Variants in ZNF160 observed in about 807,000 individuals in gnomAD.
The protein encoded by ZNF160 is KRAB zinc finger protein KR18.
In ZNF160, 9 loss-of-function variants were observed where a neutral mutation model predicts 13.1. The ratio of observed to expected loss-of-function variants is 0.69; its 90% CI spans 0.41 to 1.20. ZNF160 has a LOEUF of 1.20. Among genes scored for constraint, ZNF160 ranks in the 50% most tolerant of loss-of-function variants. The pLI is 0.01. For synonymous variants in ZNF160, 293 were observed against 333.2 expected (o/e 0.88, Z 1.31); for missense variants, 838 against 988.0 (o/e 0.85, Z 2.04).
chr19:53,085,336 G>T (rs954033966), intron 3 of ZNF160: 1 of 420,134 alleles, frequency 2.4e-6, no homozygotes, highest in Non-Finnish European at 3.2e-6. Flanking sequence ...TACAGGACTT[G>T]CACTGACCCT....
chr19:53,102,998 T>A (rs2085503537), intron 1 of ZNF160, among the ~76,000 whole-genome samples: 1 of 152,074 alleles, frequency 6.6e-6, no homozygotes, highest in South Asian at 2.1e-4. Context: ...TCCCCGGGAC[T>A]GGGTCGGCGG....
At chr19:53,092,461 C>A (rs2085071967) in intron 1 of ZNF160, among the ~76,000 whole-genome samples, 1 of 152,140 alleles carries the variant, frequency 6.6e-6, no homozygotes, top group Non-Finnish European at 1.5e-5. Context: ...CAGGCACACG[C>A]CACTAGGCCC....
At chr19:53,075,762 G>A in intron 3 of ZNF160, 3 of 518,996 alleles carry the variant, frequency 5.8e-6, no homozygotes, top group South Asian at 4.2e-5. Context: ...GTGTTTCCCT[G>A]TGTTATGTGA....
intron 1 of ZNF160, among the ~76,000 whole-genome samples, chr19:53,092,198 TA>T (rs2085060237): frequency 6.6e-6 from 1 of 152,214 alleles, no homozygotes; most frequent in Non-Finnish European, 1.5e-5. Flanking sequence ...TCTAAGTACT[TA>T]TTTTAATCTG....
intron 3 of ZNF160, among the ~76,000 whole-genome samples, chr19:53,077,913 A>G (rs2084462955): frequency 6.6e-6 from 1 of 152,072 alleles, no homozygotes; most frequent in South Asian, 2.1e-4. Flanking sequence ...AAGAAGAAAC[A>G]GAAATTCTAG....
At chr19:53,092,445 G>A (rs561128524) in intron 1 of ZNF160, among the ~76,000 whole-genome samples, 2 of 152,182 alleles carry the variant, frequency 1.3e-5, no homozygotes, top group South Asian at 2.1e-4. Context: ...CAAGTAACCG[G>A]GATTACAGGC....
intron 3 of ZNF160, among the ~76,000 whole-genome samples, chr19:53,079,107 T>G (rs1384677240): frequency 6.6e-6 from 1 of 152,102 alleles, no homozygotes; most frequent in African/African-American, 2.4e-5. Context: ...CATGACCAAG[T>G]GGACTACACA....
chr19:53,093,813 A>G (rs900623262), intron 1 of ZNF160, among the ~76,000 whole-genome samples: 3 of 152,164 alleles, frequency 2.0e-5, no homozygotes, highest in Admixed American at 6.5e-5. Context: ...TTTGAAGGGC[A>G]CTCAGCCTTC....
Position 53,069,083 on chromosome 19 carries a change from T to C in ZNF160, c.1451A>G (p.Asn484Ser), listed in dbSNP as rs766165611. 2 of 1,614,052 alleles carry C rather than the reference T, an allele frequency of 1.2e-6. No individual in the cohort carries two copies. Among genetic ancestry groups the C allele is most frequent in the South Asian group, 2.2e-5 (2 of 91,090 alleles). Reference protein sequence around the residue: ...IHTGTKPFKCNECSKVFTQNS... With the variant: ...IHTGTKPFKCSECSKVFTQNS... ...TTGAGTGAAAACCTTGCTGCATTCATTGCATTTGAAAGGTTTTGTTCCAGT... is the reference window on the plus strand; with the variant it reads ...TTGAGTGAAAACCTTGCTGCATTCACTGCATTTGAAAGGTTTTGTTCCAGT... Residue 484 changes from asparagine (N) to serine (S), a missense_variant, in exon 6 of 6, where the codon AAT becomes AGT. Physicochemically the swap from Asn to Ser is conservative, Grantham distance 46. Coordinates refer to ENST00000683776, the MANE Select transcript of ZNF160 (RefSeq NM_001322131.2). This position sits in a 1 kb window ranked among gnomAD's most constrained non-coding sequence, Gnocchi z 4.4.
Position 53,069,632 on chromosome 19 carries a change from G to A in ZNF160, c.902C>T (p.Thr301Ile). 2 of 1,613,882 alleles carry A rather than the reference G, an allele frequency of 1.2e-6. No individual in the cohort carries two copies. The highest frequency in any genetic ancestry group is 1.1e-5 in the South Asian group (1 of 91,070). ...TCCAGTATGGATGACCTGATGAATA[G>A]TTAGATTTGAACGAACAGTAAAGGT... ...GKTFTVRSNLTIHQVIHTGEK... is the reference protein window; with the variant it reads ...GKTFTVRSNLIIHQVIHTGEK... Residue 301 changes from threonine (T) to isoleucine (I), a missense_variant, in exon 6 of 6, where the codon ACT becomes ATT. Around this residue, in one of 3 missense-constraint regions of ZNF160, gnomAD observed 387 missense variants for 402.3 expected, o/e 0.96. Coordinates refer to ENST00000683776, the MANE Select transcript of ZNF160 (RefSeq NM_001322131.2). This position sits in a 1 kb window ranked among gnomAD's most constrained non-coding sequence, Gnocchi z 4.4.
At chr19:53,085,042 C>A in intron 3 of ZNF160, 1 of 357,830 alleles carries the variant, frequency 2.8e-6, no homozygotes. Flanking sequence ...CAGCCTCAAT[C>A]TCTGGGGCTC....
chr19:53,076,591 A>G (rs974695088), intron 3 of ZNF160, among the ~76,000 whole-genome samples: 6 of 152,322 alleles, frequency 3.9e-5, no homozygotes, highest in African/African-American at 1.4e-4. Context: ...GTGAGCCGAG[A>G]TCACGCCACT....
intron 1 of ZNF160, among the ~76,000 whole-genome samples, chr19:53,096,061 A>G (rs895839507): frequency 2.6e-5 from 4 of 152,166 alleles, no homozygotes; most frequent in Non-Finnish European, 1.5e-5. Flanking sequence ...TACTAAAAAT[A>G]CAAAAAAATG....
At chr19:53,088,628 AT>A (rs1216464129) in intron 2 of ZNF160, among the ~76,000 whole-genome samples, 1 of 152,116 alleles carries the variant, frequency 6.6e-6, no homozygotes, top group South Asian at 2.1e-4. Context: ...AGTTGAAAGT[AT>A]TTTTTTGTCT....
At chr19:53,077,142 C>T (rs572078397) in intron 3 of ZNF160, 2 of 152,292 alleles carry the variant, frequency 1.3e-5, no homozygotes, top group Admixed American at 1.3e-4. Context: ...AGGACACCAG[C>T]GAGGCTGCGG....
chr19:53,068,521 A>C lies in ZNF160; in HGVS notation c.2013T>G (p.His671Gln). 1 of 1,613,514 alleles carries C rather than the reference A, an allele frequency of 6.2e-7. No homozygotes were observed. The highest frequency in any genetic ancestry group is 1.1e-5 in the South Asian group (1 of 91,038). Reference protein sequence around the residue: ...HSNLTTHKVIHTGEKPYKCNQ... With the variant: ...HSNLTTHKVIQTGEKPYKCNQ... ...TACATTTGTAAGGCTTCTCTCCAGT[A>C]TGGATGACCTTATGGGTAGTTAGGT... Residue 671 changes from histidine (H) to glutamine (Q), a missense_variant, in exon 6 of 6, where the codon CAT (histidine) becomes CAG (glutamine). By Grantham distance (24) the His-to-Gln change is conservative. Coordinates refer to ENST00000683776, the MANE Select transcript of ZNF160 (RefSeq NM_001322131.2).
chr19:53,076,861 C>A (rs2084411755), intron 3 of ZNF160: 1 of 152,214 alleles, frequency 6.6e-6, no homozygotes. Flanking sequence ...AACCACACTT[C>A]CATTTTCTCC....
chr19:53,070,408 C>A, intron 5 of ZNF160, 146 bp from the exon 6 acceptor site: 12 of 815,758 alleles, frequency 1.5e-5, no homozygotes, highest in Non-Finnish European at 1.9e-5. Context: ...TTGTTAGGAA[C>A]AAAAATGTTT....
At position 53,079,474 on chromosome 19, in the gene ZNF160, C is replaced by A. The variant is rs1195596452; in HGVS notation, c.16-4291G>T. 5.3e-5 allele frequency among the ~76,000 whole-genome samples: 8 copies of A among 149,610 alleles called. No homozygotes were observed. In the East Asian group the frequency reaches 9.9e-4, roughly 18 times the overall value. On this transcript the variant is annotated intron_variant, in intron 3 of 5. Transcript: ENST00000683776. ...CTGAGGCAGGAGAATCTCTTGAACCCGAGAGGCGGAGGTTGCAGTGAGACT... is the reference window on the plus strand; with the variant it reads ...CTGAGGCAGGAGAATCTCTTGAACCAGAGAGGCGGAGGTTGCAGTGAGACT...
Sources: gnomAD v4.1 joint callset for allele counts (sites outside exome capture counted in the v4.1 genomes callset) on GRCh38, gnomAD v4.1.1 for gene constraint, gnomAD v4.1.1 regional missense constraint, Gnocchi (gnomAD v3.1) non-coding constraint, MANE v1.5 for transcripts, NCBI Gene and HGNC (gene_info 2026-07-23, HGNC 2026-07-21) for gene names.